The following GLMN variants were observed in gnomAD, a reference collection of about 807,000 sequenced individuals.
GLMN encodes glomulin.
A neutral mutation model predicts 87.8 loss-of-function variants in GLMN; 75 were observed. The ratio of observed to expected loss-of-function variants is 0.85; its 90% CI spans 0.71 to 1.04. GLMN has a LOEUF of 1.04. GLMN is among the 50% of genes least tolerant of loss of function. The pLI is 0.00. For synonymous variants in GLMN, 206 were observed against 221.6 expected (o/e 0.93, Z 0.63); for missense variants, 588 against 658.8 (o/e 0.89, Z 1.18).
chr1:92,271,744 A>G, intron 7 of GLMN, 92 bp from the exon 8 acceptor site: 2 of 862,580 alleles, frequency 2.3e-6, no homozygotes, highest in South Asian at 1.4e-5. Context: ...CACCAAGGGG[A>G]GGTGTAATCA....
chr1:92,269,405 T>TGGAGGAGGATGCAGTG (rs1655999637), intron 9 of GLMN, among the ~76,000 whole-genome samples: 1 of 152,126 alleles, frequency 6.6e-6, no homozygotes, highest in Non-Finnish European at 1.5e-5. Context: ...TTCCTTAAGA[T>TGGAGGAGGATGCAGTG]GGAGGAGGAT....
At chr1:92,324,811 A>C in the GLMN span, among the ~76,000 whole-genome samples, 1 of 152,190 alleles carries the variant, frequency 6.6e-6, no homozygotes, top group Non-Finnish European at 1.5e-5. Context: ...AAGCATGTCC[A>C]TTGAAAACAT....
At chr1:92,263,551 T>G in intron 15 of GLMN, 72 bp downstream of exon 15, 1 of 793,414 alleles carries the variant, frequency 1.3e-6, no homozygotes, top group Non-Finnish European at 2.3e-6. Context: ...TTTATTACTT[T>G]AGGTTCCCTA....
In GLMN at chr1:92,247,163, C is replaced by G. The variant is rs755857783; in HGVS notation, c.1586-19G>C. The G allele has an allele frequency of 2.0e-5, 23 of 1,145,062 alleles. No homozygotes were observed. Among genetic ancestry groups the G allele is most frequent in the Non-Finnish European group, 2.6e-5 (20 of 755,394 alleles). The allele number at this position is 1,145,062 out of a possible 1,614,324, so 70.9% of individuals were successfully genotyped here. A position where few individuals can be genotyped will look rare whatever the true frequency, so the allele number is the denominator to read the frequency against. On this transcript the variant is annotated intron_variant, in intron 17 of 18. Coordinates refer to ENST00000370360, the MANE Select transcript of GLMN (RefSeq NM_053274.3). Reference sequence around the variant, plus strand: ...TGGGCCTCTGTAAGAGAAGAAAAATCATGTGTGACACTTAACTCTCAGATT... The same window carrying G: ...TGGGCCTCTGTAAGAGAAGAAAAATGATGTGTGACACTTAACTCTCAGATT...
At chr1:92,342,939 G>C in the GLMN span, among the ~76,000 whole-genome samples, 1 of 152,192 alleles carries the variant, frequency 6.6e-6, no homozygotes, top group Admixed American at 6.5e-5. Flanking sequence ...CCAAGTAGAA[G>C]TGTCAAGTGG....
chr1:92,319,936 T>A, the GLMN span, among the ~76,000 whole-genome samples: 1 of 151,242 alleles, frequency 6.6e-6, no homozygotes, highest in African/African-American at 2.4e-5. Context: ...AGGCAGAGGT[T>A]ATGGTGAGCT....
At chr1:92,297,257 A>G (rs2101070835) in intron 3 of GLMN, 147 bp downstream of exon 3, 5 of 1,150,024 alleles carry the variant, frequency 4.3e-6, no homozygotes, top group Non-Finnish European at 6.3e-6. Context: ...TGGCCTAAAT[A>G]TTTCTAATTC....
chr1:92,359,080 C>G, the GLMN span, among the ~76,000 whole-genome samples: 7,360 of 152,212 alleles, frequency 0.048, 612 homozygotes, highest in African/African-American at 0.17. Context: ...TTGATTTTCT[C>G]AAAGCCTCTA....
the GLMN span, among the ~76,000 whole-genome samples, chr1:92,335,016 C>T: frequency 6.6e-6 from 1 of 151,540 alleles, no homozygotes; most frequent in African/African-American, 2.4e-5. Flanking sequence ...AAAAATTAAT[C>T]GGGTGTTGTG....
chr1:92,351,356 T>C, the GLMN span, among the ~76,000 whole-genome samples: 2 of 149,344 alleles, frequency 1.3e-5, no homozygotes, highest in African/African-American at 4.9e-5. Flanking sequence ...TTGCATAAAA[T>C]TATATTTTTT....
At chr1:92,342,707 G>C in the GLMN span, among the ~76,000 whole-genome samples, 1 of 152,172 alleles carries the variant, frequency 6.6e-6, no homozygotes, top group Non-Finnish European at 1.5e-5. Context: ...GAAGTGATCA[G>C]ATCCTATTTT....
In GLMN at chr1:92,266,473, ATAGC is replaced by A; in HGVS notation, c.1156_1159del (p.Ala386CysfsTer22). ...CAACTTGTTAATATACAGCTGAAGC[ATAGC>A]TAAACTCTTTTTCCTCTAAAATGGA... On this transcript the variant is annotated frameshift_variant, in exon 13 of 19. Coordinates refer to ENST00000370360, the MANE Select transcript of GLMN (RefSeq NM_053274.3). LOFTEE classifies it high-confidence loss of function. 5 of 1,569,018 alleles carry A rather than the reference ATAGC, an allele frequency of 3.2e-6. No individual in the cohort carries two copies. The highest frequency in any genetic ancestry group is 4.4e-6 in the Non-Finnish European group (5 of 1,139,968).
chr1:92,313,941 T>C, the GLMN span, among the ~76,000 whole-genome samples: 1 of 152,212 alleles, frequency 6.6e-6, no homozygotes, highest in East Asian at 1.9e-4. Flanking sequence ...TTCTACCTAT[T>C]CTTCTGCAGC....
rs183603750 is a variant in GLMN, at chr1:92,294,098, G to A, written c.166-2561C>T. Among the ~76,000 whole-genome samples the A allele has an allele frequency of 3.9e-5, 6 of 152,146 alleles. No homozygotes were observed. The East Asian group carries it at 7.7e-4, about 20-fold the overall frequency. On this transcript the variant is annotated intron_variant, in intron 3 of 18. Transcript: ENST00000370360. The stretch of plus-strand genomic sequence containing the variant: ...ACTAATTGTACATTTTAAAGTAAAT[G>A]AGTATAATTGGTTTGTTTGTAACAC...
At chr1:92,318,997 G>T in the GLMN span, among the ~76,000 whole-genome samples, 2 of 151,660 alleles carry the variant, frequency 1.3e-5, no homozygotes, top group Non-Finnish European at 2.9e-5. Context: ...TTGTTTGTTT[G>T]TTTTTTTTAA....
intron 1 of GLMN, 93 bp downstream of exon 1, chr1:92,298,832 C>CGTG (rs902329186): frequency 4.4e-5 from 17 of 390,172 alleles, no homozygotes; most frequent in African/African-American, 2.3e-4. Context: ...CACCACCTCG[C>CGTG]GTGGCCTAGT....
chr1:92,367,552 A>G, the GLMN span, among the ~76,000 whole-genome samples: 1 of 152,202 alleles, frequency 6.6e-6, no homozygotes, highest in East Asian at 1.9e-4. Context: ...TTTTCTTTTC[A>G]GCCCAATGTT....
At chr1:92,345,921 ACT>A in the GLMN span, 17 of 1,577,790 alleles carry the variant, frequency 1.1e-5, no homozygotes, top group African/African-American at 1.4e-5. Context: ...CATTGTAAGT[ACT>A]CTCTCAGATT....
upstream of GLMN, chr1:92,300,087 G>C: frequency 1.4e-6 from 1 of 715,662 alleles, no homozygotes; most frequent in South Asian, 1.8e-5. Flanking sequence ...ACATAGAAAA[G>C]GTACAGTAAA....
Sources: allele counts gnomAD v4.1 joint callset (sites outside exome capture counted in the v4.1 genomes callset), GRCh38; gene constraint gnomAD v4.1.1; transcripts MANE v1.5; gene names NCBI Gene and HGNC (gene_info 2026-07-23, HGNC 2026-07-21).